The following SEMA6D variants were observed in gnomAD, a reference collection of about 807,000 sequenced individuals.
SEMA6D encodes the protein semaphorin-6D.
In SEMA6D, 35 loss-of-function variants were observed where a neutral mutation model predicts 106.6. The observed-to-expected ratio is 0.33, with a 90% CI of 0.25 to 0.44. The LOEUF is 0.44. Ranked by LOEUF, SEMA6D falls within the 20% of genes least tolerant of loss-of-function variation. The pLI is 1.00. For missense variants in SEMA6D, 1,185 were observed against 1,345.9 expected (o/e 0.88, Z 1.87); for synonymous variants, 499 against 487.7 (o/e 1.02, Z -0.31).
intron 1 of SEMA6D, among the ~76,000 whole-genome samples, chr15:47,278,633 C>G (rs2142434359): frequency 6.6e-6 from 1 of 152,120 alleles, no homozygotes; most frequent in African/African-American, 2.4e-5. Context: ...TCCCATTTGT[C>G]AATTTTGGCT....
chr15:47,457,003 G>T (rs1476062415), intron 2 of SEMA6D, among the ~76,000 whole-genome samples: 4 of 151,924 alleles, frequency 2.6e-5, no homozygotes, highest in Non-Finnish European at 5.9e-5. Context: ...TAAAGAAGTG[G>T]GTGAAACAGT....
At chr15:47,652,069 G>A (rs2077702814) in intron 4 of SEMA6D, among the ~76,000 whole-genome samples, 1 of 152,052 alleles carries the variant, frequency 6.6e-6, no homozygotes, top group Non-Finnish European at 1.5e-5. Context: ...ATCATTTTTT[G>A]CCATACATAA....
chr15:47,728,673 C>T (rs377605119), intron 1 of SEMA6D, among the ~76,000 whole-genome samples: 5 of 152,190 alleles, frequency 3.3e-5, no homozygotes, highest in Non-Finnish European at 5.9e-5. Flanking sequence ...AAGTCTGAAA[C>T]GGGTTTCCCT....
chr15:47,289,393 C>CAAAAAAAAAAAAAAAAAAA (rs746946975), intron 1 of SEMA6D, among the ~76,000 whole-genome samples: 1 of 46,558 alleles, frequency 2.1e-5, no homozygotes, highest in Admixed American at 2.5e-4. Flanking sequence ...AACTCCATCT[C>CAAAAAAAAAAAAAAAAAAA]AAAAAAAAAA....
chr15:47,471,907 T>C (rs1256741399), intron 3 of SEMA6D, among the ~76,000 whole-genome samples: 2 of 111,824 alleles, frequency 1.8e-5, no homozygotes, highest in Non-Finnish European at 3.5e-5. Context: ...GTGCTCTTTC[T>C]CTCTCTCTCT....
intron 2 of SEMA6D, among the ~76,000 whole-genome samples, chr15:47,412,882 G>GTCCAGATAT (rs1457605174): frequency 2.3e-4 from 35 of 152,282 alleles, no homozygotes; most frequent in African/African-American, 8.2e-4. Context: ...CTTAACATGG[G>GTCCAGATAT]TCCAGATATT....
At chr15:47,305,878 C>A (rs943609329) in intron 1 of SEMA6D, among the ~76,000 whole-genome samples, 2 of 152,198 alleles carry the variant, frequency 1.3e-5, no homozygotes, top group African/African-American at 2.4e-5. Context: ...TTGATCCAGG[C>A]CTTCACAGAT....
intron 1 of SEMA6D, among the ~76,000 whole-genome samples, chr15:47,732,469 T>C (rs1208711784): frequency 6.6e-6 from 1 of 152,178 alleles, no homozygotes; most frequent in Non-Finnish European, 1.5e-5. Flanking sequence ...CGGGCTCTCA[T>C]TGGATAACAT....
chr15:47,548,174 G>A (rs2045580141), intron 3 of SEMA6D, among the ~76,000 whole-genome samples: 1 of 152,112 alleles, frequency 6.6e-6, no homozygotes. Flanking sequence ...TGGTGGTTGG[G>A]AATCCCCAGC....
intron 2 of SEMA6D, among the ~76,000 whole-genome samples, chr15:47,430,050 G>C (rs1171135106): frequency 1.3e-5 from 2 of 152,094 alleles, no homozygotes; most frequent in African/African-American, 2.4e-5. Flanking sequence ...ACCTGATTCA[G>C]CAGTGATTCC....
intron 1 of SEMA6D, among the ~76,000 whole-genome samples, chr15:47,328,989 C>T (rs566500287): frequency 3.9e-5 from 6 of 152,228 alleles, no homozygotes; most frequent in South Asian, 4.1e-4. Flanking sequence ...TTATGAGTCT[C>T]GTTTTAGCCA....
At chr15:47,449,341 G>A (rs1475015197) in intron 2 of SEMA6D, among the ~76,000 whole-genome samples, 2 of 152,052 alleles carry the variant, frequency 1.3e-5, no homozygotes, top group Non-Finnish European at 2.9e-5. Context: ...TAATGCTGGT[G>A]TCCATTGGTC....
chr15:47,538,184 A>G lies in SEMA6D; in HGVS notation c.-86-62681A>G, dbSNP rs956265944. Among the ~76,000 whole-genome samples, 67 of 152,182 alleles carry G rather than the reference A, an allele frequency of 4.4e-4. 1 individual carries two copies. The highest frequency in any genetic ancestry group is 1.5e-3 in the African/African-American group (64 of 41,446). ...ACTATAGTAATTTGATAGAAGCTAC[A>G]CATTTTCTGATTGCTCAGGATCCAG... On this transcript the variant is annotated intron_variant, in intron 3 of 19. Transcript: ENST00000558014.
chr15:47,347,988 G>T (rs747908310), intron 1 of SEMA6D, among the ~76,000 whole-genome samples: 2 of 152,108 alleles, frequency 1.3e-5, no homozygotes, highest in African/African-American at 4.8e-5. Context: ...TTTCCTGGAA[G>T]TCTCCACTCT....
chr15:47,407,914 C>A (rs1215569954), intron 1 of SEMA6D, among the ~76,000 whole-genome samples: 2 of 152,116 alleles, frequency 1.3e-5, no homozygotes, highest in African/African-American at 2.4e-5. Context: ...CTCCTTTCTG[C>A]ACCTTGGTGG....
intron 1 of SEMA6D, among the ~76,000 whole-genome samples, chr15:47,257,881 C>G (rs766040215): frequency 6.6e-6 from 1 of 151,930 alleles, no homozygotes; most frequent in Non-Finnish European, 1.5e-5. Context: ...GTAGATTTGT[C>G]TGTTTCTCCT....
chr15:47,260,335 G>A (rs1016210344), intron 1 of SEMA6D, among the ~76,000 whole-genome samples: 2 of 152,102 alleles, frequency 1.3e-5, no homozygotes, highest in Admixed American at 6.6e-5. Flanking sequence ...ATTTTAGCAA[G>A]TAGTCATCTT....
intron 1 of SEMA6D, among the ~76,000 whole-genome samples, chr15:47,757,839 G>A (rs2081841013): frequency 6.6e-6 from 1 of 152,118 alleles, no homozygotes; most frequent in African/African-American, 2.4e-5. Context: ...GTAGGAAATG[G>A]GTAGAGAGGT....
At chr15:47,318,340 A>G (rs376670532) in intron 1 of SEMA6D, among the ~76,000 whole-genome samples, 2 of 142,820 alleles carry the variant, frequency 1.4e-5, no homozygotes, top group East Asian at 4.2e-4. Context: ...ATATGTATAC[A>G]TGTGCCATGC....
Sources: gnomAD v4.1 joint callset for allele counts (sites outside exome capture counted in the v4.1 genomes callset) on GRCh38, gnomAD v4.1.1 for gene constraint, MANE v1.5 for transcripts, NCBI Gene and HGNC (gene_info 2026-07-23, HGNC 2026-07-21) for gene names.